SLC9B1: variants seen among roughly 807,000 people sequenced by gnomAD.
SLC9B1 encodes the protein sodium/hydrogen exchanger 9B1.
Under a neutral mutation model 51.7 loss-of-function variants are expected in SLC9B1, and 32 were observed. That is an observed-to-expected ratio of 0.62 (90% CI 0.47 to 0.83). The LOEUF (loss-of-function observed/expected upper bound fraction) is 0.83, where lower values mean the gene tolerates loss of function less well. Ranked by LOEUF, SLC9B1 falls within the 40% of genes least tolerant of loss-of-function variation. The pLI is 0.00. For synonymous variants in SLC9B1, 145 were observed against 212.7 expected, an observed-to-expected ratio of 0.68 and a Z score of 2.77; for missense variants, 406 against 613.2, an observed-to-expected ratio of 0.66 and a Z score of 3.57.
intron 3 of SLC9B1, among the ~76,000 whole-genome samples, chr4:102,970,958 C>T (rs1738725508): frequency 6.6e-6 from 1 of 152,124 alleles, no homozygotes. Context: ...TATATATGCA[C>T]CCAATACAGG....
chr4:102,910,533 A>G lies in SLC9B1; in HGVS notation c.992T>C (p.Val331Ala). 3 of 1,550,766 alleles carry G rather than the reference A, an allele frequency of 1.9e-6. No individual in the cohort carries two copies. Among genetic ancestry groups the G allele is most frequent in the African/African-American group, 1.4e-5 (1 of 71,758 alleles). ...TAAACCAATACGTTGGCTGCCTAAGACGGCAGAAACACACATAGTCAAAAC... is the reference window on the plus strand; with the variant it reads ...TAAACCAATACGTTGGCTGCCTAAGGCGGCAGAAACACACATAGTCAAAAC... ...FLVLTMCVSA[V>A]LGSQRIGLHG... Residue 331 changes from valine (V) to alanine (A), a missense_variant, in exon 9 of 12, where the codon GTC (valine) becomes GCC (alanine). Transcript: ENST00000296422.
intron 6 of SLC9B1, among the ~76,000 whole-genome samples, chr4:102,943,546 A>T (rs1026286589): frequency 1.1e-5 from 1 of 92,868 alleles, no homozygotes; most frequent in Non-Finnish European, 2.3e-5. Context: ...CACCATCGAC[A>T]GAATACTACT....
intron 6 of SLC9B1, among the ~76,000 whole-genome samples, chr4:102,933,789 A>G (rs1256187464): frequency 6.6e-6 from 1 of 152,228 alleles, no homozygotes; most frequent in Non-Finnish European, 1.5e-5. Context: ...ATCTAAGAAA[A>G]AAACTGTGAA....
chr4:102,980,793 A>G (rs925152939), intron 3 of SLC9B1, among the ~76,000 whole-genome samples: 6 of 152,172 alleles, frequency 3.9e-5, no homozygotes, highest in Admixed American at 3.9e-4. Flanking sequence ...TATGACCAAC[A>G]TTCCACACCA....
At chr4:102,902,696 G>A (rs1267028299) in intron 11 of SLC9B1, among the ~76,000 whole-genome samples, 1 of 152,066 alleles carries the variant, frequency 6.6e-6, no homozygotes, top group Non-Finnish European at 1.5e-5. Flanking sequence ...ACCTTATTAT[G>A]TGAGGACTTT....
At chr4:102,911,327 A>G in intron 8 of SLC9B1, 104 bp downstream of exon 8, 2 of 761,074 alleles carry the variant, frequency 2.6e-6, no homozygotes, top group Admixed American at 2.6e-5. Context: ...GGCTAGTTTT[A>G]GAGAAATAGA....
intron 3 of SLC9B1, among the ~76,000 whole-genome samples, chr4:102,959,213 T>C (rs1343266338): frequency 7.1e-6 from 1 of 140,784 alleles, no homozygotes; most frequent in Non-Finnish European, 1.5e-5. Context: ...GGATAGGAGA[T>C]TAGGAGACAT....
intron 9 of SLC9B1, 60 bp from the exon 10 acceptor site, chr4:102,906,704 T>TA: frequency 9.2e-7 from 1 of 1,085,006 alleles, no homozygotes; most frequent in Non-Finnish European, 1.3e-6. Flanking sequence ...TTCAGAAACT[T>TA]AAAGTCTTCC....
intron 2 of SLC9B1, among the ~76,000 whole-genome samples, chr4:102,990,210 T>C (rs1417842169): frequency 6.6e-6 from 1 of 152,022 alleles, no homozygotes; most frequent in African/African-American, 2.4e-5. Context: ...GTGCCTACAG[T>C]TTGGGCACAA....
intron 3 of SLC9B1, among the ~76,000 whole-genome samples, chr4:102,976,595 A>G (rs771600247): frequency 2.6e-5 from 4 of 152,248 alleles, no homozygotes; most frequent in Non-Finnish European, 4.4e-5. Flanking sequence ...ATAAGTGCCA[A>G]AGTAAAACTG....
At chr4:102,994,888 T>A (rs6853193) in intron 1 of SLC9B1, among the ~76,000 whole-genome samples, 87,893 of 152,032 alleles carry the variant, frequency 0.58, 26,754 homozygotes, top group African/African-American at 0.78. Context: ...AGTTACCTCC[T>A]CATTGTTCCA....
At chr4:102,989,664 C>T in intron 3 of SLC9B1, 136 bp downstream of exon 3, 1 of 474,902 alleles carries the variant, frequency 2.1e-6, no homozygotes, top group Non-Finnish European at 3.5e-6. Context: ...CCTCTTTGTT[C>T]ACATATTGCT....
At chr4:102,965,261 C>T (rs6533044) in intron 3 of SLC9B1, among the ~76,000 whole-genome samples, 82,310 of 150,932 alleles carry the variant, frequency 0.55, 22,972 homozygotes, top group African/African-American at 0.68. Flanking sequence ...TTCTCCAGAC[C>T]GGGAAGTTCA....
At chr4:102,928,530 C>G (rs1176105136) in intron 7 of SLC9B1, among the ~76,000 whole-genome samples, 1 of 152,200 alleles carries the variant, frequency 6.6e-6, no homozygotes, top group Non-Finnish European at 1.5e-5. Flanking sequence ...ACTGTTCCAC[C>G]CTCTGCACAT....
In SLC9B1 at chr4:103,005,805, T is replaced by C. The variant is rs559834612; in HGVS notation, c.-2+13794A>G. ...ATACTAAAAAGAACTCTCAAAACCA[T>C]AGAGTTACATAGAAATTAAGCAACC... is the stretch of plus-strand genomic sequence containing the variant. On this transcript the variant is annotated intron_variant, in intron 1 of 11. Transcript: ENST00000296422. Among the ~76,000 whole-genome samples the C allele has an allele frequency of 4.9e-4, 75 of 152,202 alleles. No individual in the cohort carries two copies. In the South Asian group the frequency reaches 0.015, roughly 31 times the overall value.
intron 3 of SLC9B1, among the ~76,000 whole-genome samples, chr4:102,967,184 TTC>T (rs1422978553): frequency 6.6e-6 from 1 of 152,252 alleles, no homozygotes; most frequent in African/African-American, 2.4e-5. Context: ...ATTCTAAACT[TTC>T]TCTCGTCTTT....
At position 102,968,434 on chromosome 4, in the gene SLC9B1, C is replaced by G. The variant is rs184029825; in HGVS notation, c.212-19007G>C. ...AAAATATTTATGACCTTGGACTAAG[C>G]AAAGGTTTCTTAGATATAATATCAA... On this transcript the variant is annotated intron_variant, in intron 3 of 11. Coordinates refer to ENST00000296422, the MANE Select transcript of SLC9B1 (RefSeq NM_139173.4). Among the ~76,000 whole-genome samples the G allele has an allele frequency of 2.3e-4, 35 of 152,260 alleles. No individual in the cohort carries two copies. The East Asian group carries it at 6.2e-3, about 27-fold the overall frequency.
chr4:103,008,727 G>A (rs1359752779), intron 1 of SLC9B1, among the ~76,000 whole-genome samples: 11 of 150,608 alleles, frequency 7.3e-5, no homozygotes, highest in Admixed American at 5.9e-4. Context: ...TCATCTCTCT[G>A]CTCGATTCCA....
chr4:102,977,317 CAG>C (rs1216027056), intron 3 of SLC9B1, among the ~76,000 whole-genome samples: 2 of 105,478 alleles, frequency 1.9e-5, no homozygotes, highest in African/African-American at 3.5e-5. Flanking sequence ...AAAAAAAAAA[CAG>C]AAAAAAAGGA....
Sources: gnomAD v4.1 joint callset for allele counts (sites outside exome capture counted in the v4.1 genomes callset) on GRCh38, gnomAD v4.1.1 for gene constraint, MANE v1.5 for transcripts, NCBI Gene and HGNC (gene_info 2026-07-23, HGNC 2026-07-21) for gene names.